The following PRKG1 variants were observed in gnomAD, a reference collection of about 807,000 sequenced individuals.
The protein encoded by PRKG1 is cGMP-dependent protein kinase 1.
In PRKG1, 35 loss-of-function variants were observed where a neutral mutation model predicts 88.1. The ratio of observed to expected loss-of-function variants is 0.40; its 90% CI spans 0.30 to 0.53. The LOEUF is 0.53. PRKG1 is among the 20% of genes least tolerant of loss of function. PRKG1 has a pLI of 0.59. For missense variants in PRKG1, 540 were observed against 839.8 expected, an observed-to-expected ratio of 0.64 and a Z score of 4.41; for synonymous variants, 303 against 292.5, an observed-to-expected ratio of 1.04 and a Z score of -0.37.
intron 5 of PRKG1, among the ~76,000 whole-genome samples, chr10:51,967,429 A>G (rs570666618): frequency 3.0e-4 from 45 of 152,076 alleles, no homozygotes; most frequent in Admixed American, 7.9e-4. Context: ...GGGATGGGGG[A>G]GGGATAGCAT....
chr10:51,663,431 G>A (rs1840346969), intron 3 of PRKG1, among the ~76,000 whole-genome samples: 1 of 151,930 alleles, frequency 6.6e-6, no homozygotes, highest in African/African-American at 2.4e-5. Context: ...CTGGCTGGAT[G>A]TGGTGACTCA....
At position 51,317,438 on chromosome 10, in the gene PRKG1, T is replaced by C. The variant is rs374414419; in HGVS notation, c.479-150285T>C. Among the ~76,000 whole-genome samples, 9 of 152,344 alleles carry C rather than the reference T, an allele frequency of 5.9e-5. No homozygotes were observed. The East Asian group carries it at 1.7e-3, about 29-fold the overall frequency. On this transcript the variant is annotated intron_variant, in intron 2 of 17. Coordinates refer to ENST00000373980, the MANE Select transcript of PRKG1 (RefSeq NM_006258.4). ...AATAACAGGAGCTATGTCTTATTCA[T>C]CTTAGTTCATTGTATTCTTCCTAAC...
chr10:51,524,014 G>A lies in PRKG1; in HGVS notation c.592+56178G>A, dbSNP rs115995206. On this transcript the variant is annotated intron_variant, in intron 3 of 17. Coordinates refer to ENST00000373980, the MANE Select transcript of PRKG1 (RefSeq NM_006258.4). The stretch of plus-strand genomic sequence containing the variant: ...GGTTTAGCATCATCCTCTCTGGGCT[G>A]TTCTCGTGATAGTGAGTTCTCAAGA... Among the ~76,000 whole-genome samples the A allele has an allele frequency of 5.4e-3, 821 of 152,244 alleles. 4 individuals carry two copies. The highest frequency in any genetic ancestry group is 0.019 in the African/African-American group (776 of 41,546).
At chr10:52,091,174 T>C (rs1564465003) in intron 7 of PRKG1, among the ~76,000 whole-genome samples, 1 of 152,206 alleles carries the variant, frequency 6.6e-6, no homozygotes, top group Non-Finnish European at 1.5e-5. Flanking sequence ...ATTCCGGTTG[T>C]TGGCAGAATT....
intron 3 of PRKG1, among the ~76,000 whole-genome samples, chr10:51,509,775 A>T (rs1841337439): frequency 6.6e-6 from 1 of 152,210 alleles, no homozygotes; most frequent in Non-Finnish European, 1.5e-5. Context: ...TTTATACATG[A>T]GTAAACCAAA....
intron 2 of PRKG1, among the ~76,000 whole-genome samples, chr10:51,163,124 C>T (rs182234526): frequency 3.3e-5 from 5 of 152,226 alleles, no homozygotes; most frequent in East Asian, 1.9e-4. Context: ...GAGATCACAC[C>T]GCTACACTCC....
chr10:51,375,707 G>A (rs1842802458), intron 2 of PRKG1, among the ~76,000 whole-genome samples: 2 of 152,100 alleles, frequency 1.3e-5, no homozygotes, highest in Admixed American at 1.3e-4. Flanking sequence ...ATCTACTGGA[G>A]AAAGGCAGAA....
intron 1 of PRKG1, among the ~76,000 whole-genome samples, chr10:51,034,668 T>TTTATATATATATATATATATA (rs9299454): frequency 4.4e-5 from 3 of 68,186 alleles, no homozygotes; most frequent in Non-Finnish European, 5.5e-5. Flanking sequence ...AATATGTTAT[T>TTTATATATATATATATATATA]TATATATATA....
chr10:51,577,160 C>G (rs1012296100), intron 3 of PRKG1, among the ~76,000 whole-genome samples: 1 of 151,940 alleles, frequency 6.6e-6, no homozygotes, highest in South Asian at 2.1e-4. Context: ...CCTGGAGGAA[C>G]TTATGGTGAG....
At chr10:51,462,160 A>G (rs293293) in intron 2 of PRKG1, among the ~76,000 whole-genome samples, 53,610 of 152,080 alleles carry the variant, frequency 0.35, 10,516 homozygotes, top group African/African-American at 0.51. Flanking sequence ...AGATTACAGA[A>G]GGAAGGAGAT....
chr10:51,239,593 C>T (rs1268273730), intron 2 of PRKG1, among the ~76,000 whole-genome samples: 1 of 152,098 alleles, frequency 6.6e-6, no homozygotes, highest in African/African-American at 2.4e-5. Context: ...GATGAGACCT[C>T]GGCGCACCCC....
chr10:51,098,025 A>T (rs1178141334), intron 1 of PRKG1, among the ~76,000 whole-genome samples: 1 of 152,164 alleles, frequency 6.6e-6, no homozygotes, highest in Non-Finnish European at 1.5e-5. Context: ...CTTGTGTTGA[A>T]GTTCTCACTA....
At chr10:51,644,808 C>T (rs1016360450) in intron 3 of PRKG1, among the ~76,000 whole-genome samples, 1 of 152,068 alleles carries the variant, frequency 6.6e-6, no homozygotes, top group Non-Finnish European at 1.5e-5. Context: ...TTTCTTGAGA[C>T]CAAGTCTCAC....
At chr10:51,694,726 T>C (rs1841240071) in intron 3 of PRKG1, among the ~76,000 whole-genome samples, 1 of 152,218 alleles carries the variant, frequency 6.6e-6, no homozygotes, top group South Asian at 2.1e-4. Context: ...CTACACATCC[T>C]AGGGAAAATT....
intron 3 of PRKG1, among the ~76,000 whole-genome samples, chr10:51,691,638 C>T (rs934643481): frequency 6.6e-6 from 1 of 152,162 alleles, no homozygotes; most frequent in African/African-American, 2.4e-5. Context: ...TTCTATGCTA[C>T]ATTTGTCAAA....
At chr10:51,423,257 G>T (rs977830441) in intron 2 of PRKG1, among the ~76,000 whole-genome samples, 1 of 151,940 alleles carries the variant, frequency 6.6e-6, no homozygotes, top group Admixed American at 6.6e-5. Context: ...CAGTAGTTAC[G>T]CAATCTCTTT....
chr10:51,675,063 G>C (rs186843766), intron 3 of PRKG1, among the ~76,000 whole-genome samples: 12 of 152,252 alleles, frequency 7.9e-5, no homozygotes, highest in Admixed American at 6.5e-4. Context: ...TTTATGAAGA[G>C]AAGACTGAAT....
chr10:52,291,301 A>T (rs555312867), intron 17 of PRKG1, among the ~76,000 whole-genome samples: 192 of 151,512 alleles, frequency 1.3e-3, no homozygotes, highest in African/African-American at 4.3e-3. Flanking sequence ...CATGTGCACA[A>T]TGTGCAGGTT....
chr10:51,765,727 C>T lies in PRKG1; in HGVS notation c.593-38858C>T, dbSNP rs1589268900. Among the ~76,000 whole-genome samples the T allele has an allele frequency of 7.9e-5, 12 of 152,124 alleles. No homozygotes were observed. The South Asian group carries it at 2.3e-3, about 29-fold the overall frequency. The stretch of plus-strand genomic sequence containing the variant: ...ACCTCCATAGTCAACTGAAGTAACA[C>T]TTTGGTGAAGCTCTCTTTGCATTCA... On this transcript the variant is annotated intron_variant, in intron 3 of 17. Transcript: ENST00000373980.
Sources: allele counts gnomAD v4.1 joint callset (sites outside exome capture counted in the v4.1 genomes callset), GRCh38; gene constraint gnomAD v4.1.1; transcripts MANE v1.5; gene names NCBI Gene and HGNC (gene_info 2026-07-23, HGNC 2026-07-21).